The following HS3ST3A1 variants were observed in gnomAD, a reference collection of about 807,000 sequenced individuals.
HS3ST3A1 encodes heparan sulfate-glucosamine 3-sulfotransferase 3A1, also known as heparan sulfate glucosamine 3-O-sulfotransferase 3A1.
A neutral mutation model predicts 25.7 loss-of-function variants in HS3ST3A1; 19 were observed. The ratio of observed to expected loss-of-function variants is 0.74; its 90% CI spans 0.52 to 1.08. The LOEUF (loss-of-function observed/expected upper bound fraction) is 1.08, where lower values mean the gene tolerates loss of function less well. Ranked by LOEUF, HS3ST3A1 falls within the 50% of genes least tolerant of loss-of-function variation. The probability of loss-of-function intolerance (pLI) is 0.00; values close to 1 mark genes in which losing one functional copy is unlikely to be tolerated. For missense variants in HS3ST3A1, 459 were observed against 594.3 expected, an observed-to-expected ratio of 0.77 and a Z score of 2.37; for synonymous variants, 226 against 278.6, an observed-to-expected ratio of 0.81 and a Z score of 1.88.
chr17:13,495,712 T>G lies in HS3ST3A1; in HGVS notation c.*485A>C, dbSNP rs1211170776. ...AGCAAGATTTATTTTTTTATTTTAA[T>G]GATCAAAAAGGTGTATTTGAAAGCA... is the stretch of plus-strand genomic sequence containing the variant. On this transcript the variant is annotated 3_prime_UTR_variant, in exon 2 of 2. Transcript: ENST00000284110. The G allele has an allele frequency of 2.0e-5, 3 of 152,976 alleles. No homozygotes were observed. Among genetic ancestry groups the G allele is most frequent in the African/African-American group, 7.2e-5 (3 of 41,448 alleles). The allele number at this position is 152,976 out of a possible 1,614,324, so 9.5% of individuals were successfully genotyped here.
intron 1 of HS3ST3A1, among the ~76,000 whole-genome samples, chr17:13,549,348 C>G (rs948610220): frequency 6.6e-6 from 1 of 152,206 alleles, no homozygotes; most frequent in Non-Finnish European, 1.5e-5. Context: ...AACTGTAACA[C>G]TCACTGTGAG....
intron 1 of HS3ST3A1, among the ~76,000 whole-genome samples, chr17:13,567,856 G>T (rs890263079): frequency 6.6e-6 from 1 of 152,350 alleles, no homozygotes; most frequent in East Asian, 1.9e-4. Context: ...TAAAGATGCT[G>T]TGAGCATTGT....
intron 1 of HS3ST3A1, among the ~76,000 whole-genome samples, chr17:13,586,995 C>T (rs1908292410): frequency 6.7e-6 from 1 of 148,290 alleles, no homozygotes; most frequent in Non-Finnish European, 1.5e-5. Flanking sequence ...ATATTTTAGA[C>T]ATATTAGCTT....
chr17:13,574,922 T>C (rs1907913057), intron 1 of HS3ST3A1, among the ~76,000 whole-genome samples: 2 of 152,098 alleles, frequency 1.3e-5, no homozygotes, highest in African/African-American at 4.8e-5. Context: ...AAATACTGCT[T>C]GAAGACAAAA....
At chr17:13,538,329 GA>G (rs1330690603) in intron 1 of HS3ST3A1, among the ~76,000 whole-genome samples, 4 of 152,174 alleles carry the variant, frequency 2.6e-5, no homozygotes, top group African/African-American at 9.7e-5. Flanking sequence ...AAGCCATCCC[GA>G]TTAGCCACAG....
chr17:13,539,844 G>C (rs8074677), intron 1 of HS3ST3A1, among the ~76,000 whole-genome samples: 27,293 of 152,108 alleles, frequency 0.18, 2,479 homozygotes, highest in Admixed American at 0.19. Flanking sequence ...AAAAAATTCT[G>C]ATTTTGTATG....
intron 1 of HS3ST3A1, among the ~76,000 whole-genome samples, chr17:13,562,627 C>T (rs1349026872): frequency 6.6e-6 from 1 of 151,934 alleles, no homozygotes; most frequent in African/African-American, 2.4e-5. Context: ...CCAGGCTCTA[C>T]AATAGAACTC....
At chr17:13,498,945 GT>G (rs11459083) in intron 1 of HS3ST3A1, among the ~76,000 whole-genome samples, 194 of 141,092 alleles carry the variant, frequency 1.4e-3, no homozygotes, top group Middle Eastern at 0.011. Context: ...TCCTATTTTT[GT>G]TTTTTTTTTT....
chr17:13,598,264 A>AT lies in HS3ST3A1; in HGVS notation c.599+2266dup, dbSNP rs992633458. On this transcript the variant is annotated intron_variant, in intron 1 of 1. Coordinates refer to ENST00000284110, the MANE Select transcript of HS3ST3A1 (RefSeq NM_006042.3). ...ATTTAAGTGGCATTCTGGGTGGGAGATTTTTTTTTCATAGACGAGCCTTCA... is the reference window on the plus strand; with the variant it reads ...ATTTAAGTGGCATTCTGGGTGGGAGATTTTTTTTTTCATAGACGAGCCTTCA... Among the ~76,000 whole-genome samples the AT allele has an allele frequency of 5.3e-5, 8 of 151,494 alleles. No homozygotes were observed. In the East Asian group the frequency reaches 9.7e-4, roughly 18 times the overall value.
intron 1 of HS3ST3A1, among the ~76,000 whole-genome samples, chr17:13,594,749 G>C (rs62053923): frequency 0.1 from 15,758 of 151,144 alleles, 978 homozygotes; most frequent in Non-Finnish European, 0.14. Flanking sequence ...CTGCCTAAAA[G>C]AAGTGAATTA....
intron 1 of HS3ST3A1, among the ~76,000 whole-genome samples, chr17:13,530,954 G>GA (rs1318080221): frequency 1.3e-5 from 2 of 152,240 alleles, no homozygotes; most frequent in East Asian, 3.9e-4. Flanking sequence ...GGCTAGAAAT[G>GA]AACCCAGTGA....
chr17:13,563,951 TATTA>T (rs999219617), intron 1 of HS3ST3A1, among the ~76,000 whole-genome samples: 3 of 152,162 alleles, frequency 2.0e-5, no homozygotes, highest in Non-Finnish European at 4.4e-5. Flanking sequence ...ATTAATTTCT[TATTA>T]ATTATTATTG....
chr17:13,539,049 C>T (rs12941565), intron 1 of HS3ST3A1, among the ~76,000 whole-genome samples: 27,891 of 152,046 alleles, frequency 0.18, 2,607 homozygotes, highest in African/African-American at 0.2. Flanking sequence ...AGAATGATAT[C>T]GAGGTGGCTT....
intron 1 of HS3ST3A1, among the ~76,000 whole-genome samples, chr17:13,543,869 T>C (rs954632028): frequency 1.3e-5 from 2 of 152,184 alleles, no homozygotes; most frequent in Admixed American, 6.5e-5. Context: ...ACCAGGACTC[T>C]ATGATGACTT....
chr17:13,588,374 C>A (rs1567631177), intron 1 of HS3ST3A1, among the ~76,000 whole-genome samples: 1 of 152,060 alleles, frequency 6.6e-6, no homozygotes, highest in South Asian at 2.1e-4. Context: ...AAGCCATGGG[C>A]ATATAGGGTT....
At chr17:13,549,615 T>A (rs547388062) in intron 1 of HS3ST3A1, among the ~76,000 whole-genome samples, 1 of 152,260 alleles carries the variant, frequency 6.6e-6, no homozygotes, top group East Asian at 1.9e-4. Context: ...AGTCCACTCA[T>A]CCTCTTCTGA....
rs1225767639 is a variant in HS3ST3A1 at position 13,496,171 on chromosome 17, T to TTC, written c.*25_*26insGA. The TTC allele has an allele frequency of 2.0e-6, 3 of 1,536,496 alleles. No individual in the cohort carries two copies. Among genetic ancestry groups the TTC allele is most frequent in the African/African-American group, 1.4e-5 (1 of 70,754 alleles). ...GTAAAAAAATATATTATATTTTGAT[T>TTC]TTTTTTTTCTTTTTAAATTATATGG... On this transcript the variant is annotated 3_prime_UTR_variant, in exon 2 of 2. Coordinates refer to ENST00000284110, the MANE Select transcript of HS3ST3A1 (RefSeq NM_006042.3).
chr17:13,494,060 T>G lies in HS3ST3A1; in HGVS notation c.*2137A>C, dbSNP rs1905208375. 6.6e-6 allele frequency among the ~76,000 whole-genome samples: 1 copy of G among 152,252 alleles called. No individual in the cohort carries two copies. The highest frequency in any genetic ancestry group is 6.5e-5 in the Admixed American group (1 of 15,280). On this transcript the variant is annotated 3_prime_UTR_variant, in exon 2 of 2. Coordinates refer to ENST00000284110, the MANE Select transcript of HS3ST3A1 (RefSeq NM_006042.3). ...TTTGCATTCAATTCTGTTCTTTTAT[T>G]TCTTTCACATTAAAAAAATGAAGGT...
chr17:13,522,746 T>G (rs920839979), intron 1 of HS3ST3A1, among the ~76,000 whole-genome samples: 4 of 150,714 alleles, frequency 2.7e-5, no homozygotes, highest in African/African-American at 9.8e-5. Flanking sequence ...ACATAAAAAC[T>G]GAAACAATAA....
Sources: gnomAD v4.1 joint callset for allele counts (sites outside exome capture counted in the v4.1 genomes callset) on GRCh38, gnomAD v4.1.1 for gene constraint, MANE v1.5 for transcripts, NCBI Gene and HGNC (gene_info 2026-07-23, HGNC 2026-07-21) for gene names.